Variants in PTPN5 observed in about 807,000 individuals in gnomAD.
PTPN5 encodes the protein protein tyrosine phosphatase non-receptor type 5, also known as tyrosine-protein phosphatase non-receptor type 5.
In PTPN5, 29 loss-of-function variants were observed where a neutral mutation model predicts 73.9. The observed-to-expected ratio is 0.39, with a 90% CI of 0.29 to 0.54. PTPN5 has a LOEUF of 0.54. PTPN5 is among the 20% of genes least tolerant of loss of function. The pLI, the probability that PTPN5 is intolerant of heterozygous loss-of-function variation, is 0.65. For synonymous variants in PTPN5, 267 were observed against 304.7 expected (o/e 0.88, Z 1.29); for missense variants, 652 against 751.4 (o/e 0.87, Z 1.55).
At chr11:18,761,297 C>T (rs761341704) in intron 3 of PTPN5, among the ~76,000 whole-genome samples, 24 of 152,192 alleles carry the variant, frequency 1.6e-4, no homozygotes, top group Middle Eastern at 3.2e-3. Context: ...CTTGTACCTC[C>T]GCGGCAGCTG....
At chr11:18,783,433 C>T (rs1300085825) in intron 1 of PTPN5, among the ~76,000 whole-genome samples, 1 of 152,218 alleles carries the variant, frequency 6.6e-6, no homozygotes, top group Non-Finnish European at 1.5e-5. Flanking sequence ...CCCCTGCCTT[C>T]GGAAAGCCTT....
chr11:18,736,885 C>A (rs149240711), intron 9 of PTPN5, among the ~76,000 whole-genome samples: 1 of 152,244 alleles, frequency 6.6e-6, no homozygotes, highest in Non-Finnish European at 1.5e-5. Flanking sequence ...GAGGGCAAGA[C>A]GAGGGAAGAG....
chr11:18,737,773 C>G, intron 9 of PTPN5, 107 bp downstream of exon 9: 2 of 975,590 alleles, frequency 2.1e-6, no homozygotes, highest in African/African-American at 3.2e-5. Flanking sequence ...CCCACCTCCT[C>G]CAGTCCTGTC....
intron 3 of PTPN5, 125 bp downstream of exon 3, chr11:18,765,682 G>A (rs1850611281): frequency 4.2e-6 from 3 of 713,716 alleles, no homozygotes; most frequent in Admixed American, 4.1e-5. Context: ...GAGCTATGGA[G>A]CAGCTGCATG....
intron 1 of PTPN5, among the ~76,000 whole-genome samples, chr11:18,789,755 AGGCATAAGAAT>A (rs1373622809): frequency 6.6e-6 from 1 of 152,184 alleles, no homozygotes; most frequent in Non-Finnish European, 1.5e-5. Flanking sequence ...GAGGATGCAA[AGGCATAAGAAT>A]GACACAATGG....
In PTPN5 at chr11:18,765,958, A is replaced by C. The variant is rs1850627856; in HGVS notation, c.21-75T>G. The C allele has an allele frequency of 7.5e-6, 8 of 1,070,448 alleles. 1 individual carries two copies. The South Asian group carries it at 1.1e-4, about 14-fold the overall frequency. 66.3% of individuals were successfully genotyped at this position (1,070,448 alleles called of 1,614,324 possible). A position where few individuals can be genotyped will look rare whatever the true frequency, so the allele number is the denominator to read the frequency against. The stretch of plus-strand genomic sequence containing the variant: ...ACAAAAACCCTGAGCAAAGATAAGA[A>C]GGCTCCCTCTCCTGTATTCTGTATC... On this transcript the variant is annotated intron_variant, in intron 2 of 14. Transcript: ENST00000358540.
Position 18,742,057 on chromosome 11 carries a change from C to T in PTPN5, c.725+205G>A, listed in dbSNP as rs1439130684. Among the ~76,000 whole-genome samples, 3 of 152,178 alleles carry T rather than the reference C, an allele frequency of 2.0e-5. No individual in the cohort carries two copies. The highest frequency in any genetic ancestry group is 2.9e-5 in the Non-Finnish European group (2 of 68,024). The stretch of plus-strand genomic sequence containing the variant: ...GTGAACATGTGTACACCTATGTGTG[C>T]GTGTGCAGTAACAGTATTTCTCAGC... On this transcript the variant is annotated intron_variant, in intron 7 of 14. Transcript: ENST00000358540. This position sits in a 1 kb window ranked among gnomAD's most constrained non-coding sequence, Gnocchi z 4.1.
At chr11:18,737,774 CA>C in intron 9 of PTPN5, 105 bp downstream of exon 9, 2 of 978,250 alleles carry the variant, frequency 2.0e-6, no homozygotes, top group Non-Finnish European at 3.3e-6. Context: ...CCACCTCCTC[CA>C]GTCCTGTCAC....
rs6483524 is a variant in PTPN5 at position 18,733,132 on chromosome 11, A to G, written c.1218+103T>C. On this transcript the variant is annotated intron_variant, in intron 11 of 14. Coordinates refer to ENST00000358540, the MANE Select transcript of PTPN5 (RefSeq NM_006906.2). This position sits in a 1 kb window ranked among gnomAD's most constrained non-coding sequence, Gnocchi z 4.3. ...TCCTCATCTTGGCAGCGGAGTGAAC[A>G]CCGCCGACCTCTTGAGATTGTCATA... is the stretch of plus-strand genomic sequence containing the variant. The G allele has an allele frequency of 0.32, 478,560 of 1,495,370 alleles. 78,745 individuals are homozygous for G. Among genetic ancestry groups the G allele is most frequent in the Middle Eastern group, 0.42 (2,375 of 5,620 alleles). The allele number at this position is 1,495,370 out of a possible 1,614,324, so 92.6% of individuals were successfully genotyped here.
At chr11:18,736,322 AGGC>A (rs756114440) in intron 9 of PTPN5, among the ~76,000 whole-genome samples, 9 of 152,244 alleles carry the variant, frequency 5.9e-5, no homozygotes, top group Non-Finnish European at 1.0e-4. Flanking sequence ...ACCATGTGCC[AGGC>A]AGCACTGCTT....
At chr11:18,760,663 G>T (rs1850345008) in intron 3 of PTPN5, among the ~76,000 whole-genome samples, 1 of 152,224 alleles carries the variant, frequency 6.6e-6, no homozygotes, top group South Asian at 2.1e-4. Context: ...GAAATCTCAG[G>T]TTGGTAGGGA....
Position 18,743,440 on chromosome 11 carries a change from G to A in PTPN5, c.292-11C>T, listed in dbSNP as rs779832535. 7 of 1,612,706 alleles carry A rather than the reference G, an allele frequency of 4.3e-6. No individual in the cohort carries two copies. The African/African-American group carries it at 9.3e-5, about 22-fold the overall frequency. ...CACCCCACAGGCAAGCTGGGGCACA[G>A]GGGAGCAGGCTGAGTATGGAGCCGG... is the stretch of plus-strand genomic sequence containing the variant. On this transcript the variant is annotated splice_polypyrimidine_tract_variant and intron_variant, in intron 4 of 14. Coordinates refer to ENST00000358540, the MANE Select transcript of PTPN5 (RefSeq NM_006906.2).
chr11:18,780,209 T>C (rs1851355187), intron 1 of PTPN5, among the ~76,000 whole-genome samples: 1 of 152,286 alleles, frequency 6.6e-6, no homozygotes, highest in Non-Finnish European at 1.5e-5. Context: ...AGAGGGGTCT[T>C]CCCAGCAGAA....
Position 18,742,685 on chromosome 11 carries a change from C to A in PTPN5, c.484-182G>T, listed in dbSNP as rs1442157738. On this transcript the variant is annotated intron_variant, in intron 6 of 14. Transcript: ENST00000358540. This position sits in a 1 kb window ranked among gnomAD's most constrained non-coding sequence, Gnocchi z 4.1. ...GATGGGAGGCTCCATGCCCACTCTC[C>A]TTCCCTGCCCCTCCCTCTCCCAGCT... 6.6e-6 allele frequency among the ~76,000 whole-genome samples: 1 copy of A among 152,162 alleles called. No homozygotes were observed. Among genetic ancestry groups the A allele is most frequent in the Admixed American group, 6.5e-5 (1 of 15,282 alleles).
In PTPN5 at chr11:18,744,195, G is replaced by A. The variant is rs1299826105; in HGVS notation, c.102C>T (p.Leu34=). 1.3e-6 allele frequency: 2 copies of A among 1,544,896 alleles called. No homozygotes were observed. Among genetic ancestry groups the A allele is most frequent in the South Asian group, 1.2e-5 (1 of 81,098 alleles). Residue 34 remains leucine, a synonymous_variant, in exon 4 of 15, where the codon CTC becomes CTT. Coordinates refer to ENST00000358540, the MANE Select transcript of PTPN5 (RefSeq NM_006906.2). ...GTGCCTCCATCACTATCGGCTGGGG[G>A]AGACCTGTGGAAGATGGGCCATGCG... ...DMCCSERLPG[L]PQPIVMEALD... is the part of the protein sequence containing the mutation.
rs537149124 is a variant in PTPN5, at chr11:18,752,427, C to A, written c.98-8228G>T. On this transcript the variant is annotated intron_variant, in intron 3 of 14. Coordinates refer to ENST00000358540, the MANE Select transcript of PTPN5 (RefSeq NM_006906.2). ...CCTTTCATCTGCCAGATGAGCCCCC[C>A]AGGAGGACAATGGGTGCCCCACCTG... Among the ~76,000 whole-genome samples the A allele has an allele frequency of 3.3e-5, 5 of 152,264 alleles. No homozygotes were observed. The South Asian group carries it at 8.3e-4, about 25-fold the overall frequency.
rs567725033 is a variant in PTPN5 at position 18,772,180 on chromosome 11, T to C, written c.-113-109A>G. 25 of 530,878 alleles carry C rather than the reference T, an allele frequency of 4.7e-5. 1 individual carries two copies. In the South Asian group the frequency reaches 6.9e-4, roughly 15 times the overall value. The allele number at this position is 530,878 out of a possible 1,614,324, so 32.9% of individuals were successfully genotyped here. The stretch of plus-strand genomic sequence containing the variant: ...TCCTGATTTCCTTCTGGGAGTCACC[T>C]TTCTCCTCCCCTGGTGCCCTGCTTG... On this transcript the variant is annotated intron_variant, in intron 1 of 14. Coordinates refer to ENST00000358540, the MANE Select transcript of PTPN5 (RefSeq NM_006906.2).
chr11:18,776,116 CCT>C (rs973284508), intron 1 of PTPN5, among the ~76,000 whole-genome samples: 84 of 152,172 alleles, frequency 5.5e-4, no homozygotes, highest in African/African-American at 1.8e-3. Flanking sequence ...CATTCTGCTC[CCT>C]CTCCCTGCAC....
chr11:18,733,417 C>G lies in PTPN5; in HGVS notation c.1081-45G>C. 6.2e-7 allele frequency: 1 copy of G among 1,610,128 alleles called. No individual in the cohort carries two copies. The highest frequency in any genetic ancestry group is 8.5e-7 in the Non-Finnish European group (1 of 1,177,070). Reference sequence around the variant, plus strand: ...GGCTGTCAGGGTCAGAGGCAGTGCTCCCAGGACCCCATCCCCACACTCAGG... The same window carrying G: ...GGCTGTCAGGGTCAGAGGCAGTGCTGCCAGGACCCCATCCCCACACTCAGG... On this transcript the variant is annotated intron_variant, in intron 10 of 14. Transcript: ENST00000358540. This position sits in a 1 kb window ranked among gnomAD's most constrained non-coding sequence, Gnocchi z 4.3.
Sources: allele counts gnomAD v4.1 joint callset (sites outside exome capture counted in the v4.1 genomes callset), GRCh38; gene constraint gnomAD v4.1.1; non-coding constraint Gnocchi (gnomAD v3.1); transcripts MANE v1.5; gene names NCBI Gene and HGNC (gene_info 2026-07-23, HGNC 2026-07-21).